ATP10D: variants seen among roughly 807,000 people sequenced by gnomAD.
ATP10D encodes ATPase phospholipid transporting 10D (putative), also known as phospholipid-transporting ATPase VD.
A neutral mutation model predicts 144.8 loss-of-function variants in ATP10D; 89 were observed. The ratio of observed to expected loss-of-function variants is 0.61; its 90% CI spans 0.52 to 0.73. ATP10D has a LOEUF of 0.73. Among genes scored for constraint, ATP10D ranks in the 30% least tolerant of loss-of-function variants. ATP10D has a pLI of 0.00. For synonymous variants in ATP10D, 571 were observed against 615.1 expected, an observed-to-expected ratio of 0.93 and a Z score of 1.06; for missense variants, 1,603 against 1,714.8, an observed-to-expected ratio of 0.93 and a Z score of 1.15.
chr4:47,488,201 T>C (rs1714869872), intron 1 of ATP10D, among the ~76,000 whole-genome samples: 1 of 152,106 alleles, frequency 6.6e-6, no homozygotes, highest in African/African-American at 2.4e-5. Context: ...GTTACAAAAG[T>C]TTTTTAAAAA....
At chr4:47,585,860 G>A (rs11932436) in intron 21 of ATP10D, among the ~76,000 whole-genome samples, 8,409 of 152,158 alleles carry the variant, frequency 0.055, 293 homozygotes, top group Non-Finnish European at 0.085. Context: ...GTACTCCATC[G>A]TGTAGATATA....
chr4:47,499,264 G>T (rs1268720764), intron 1 of ATP10D, among the ~76,000 whole-genome samples: 1 of 152,126 alleles, frequency 6.6e-6, no homozygotes, highest in Non-Finnish European at 1.5e-5. Context: ...TTCCCATCAC[G>T]TTGGTTTCAA....
chr4:47,538,992 C>T (rs13136892), intron 9 of ATP10D, among the ~76,000 whole-genome samples: 1 of 152,154 alleles, frequency 6.6e-6, no homozygotes, highest in East Asian at 1.9e-4. Flanking sequence ...AATCCTTCCA[C>T]TTCTGCCACA....
chr4:47,513,685 G>T (rs188888365), intron 2 of ATP10D, among the ~76,000 whole-genome samples: 13 of 152,330 alleles, frequency 8.5e-5, no homozygotes, highest in African/African-American at 2.9e-4. Context: ...TGTAACATCT[G>T]TGCTGAGGAG....
At chr4:47,569,578 C>T (rs1180966969) in intron 16 of ATP10D, among the ~76,000 whole-genome samples, 1 of 151,952 alleles carries the variant, frequency 6.6e-6, no homozygotes, top group Non-Finnish European at 1.5e-5. Flanking sequence ...AATGGAGATA[C>T]AAGAGTATAT....
intron 15 of ATP10D, among the ~76,000 whole-genome samples, chr4:47,564,049 G>A (rs758709533): frequency 2.0e-5 from 3 of 152,038 alleles, no homozygotes; most frequent in South Asian, 2.1e-4. Context: ...CTGCCACCAC[G>A]CCTGGCTAAT....
At chr4:47,508,926 T>A (rs1409355266) in intron 1 of ATP10D, among the ~76,000 whole-genome samples, 1 of 152,230 alleles carries the variant, frequency 6.6e-6, no homozygotes, top group African/African-American at 2.4e-5. Context: ...TAAGATATTA[T>A]GATTTGTGAT....
chr4:47,573,592 A>C (rs541342127), intron 18 of ATP10D, among the ~76,000 whole-genome samples: 3 of 152,338 alleles, frequency 2.0e-5, no homozygotes, highest in African/African-American at 7.2e-5. Context: ...TTGATTAGAA[A>C]TCCAGGCCTC....
intron 1 of ATP10D, among the ~76,000 whole-genome samples, chr4:47,496,142 T>C (rs1425596129): frequency 6.9e-6 from 1 of 144,532 alleles, no homozygotes; most frequent in Non-Finnish European, 1.5e-5. Context: ...ATTTGTGTAG[T>C]GACTTTCCTT....
chr4:47,506,987 G>T (rs1312362935), intron 1 of ATP10D, among the ~76,000 whole-genome samples: 2 of 152,162 alleles, frequency 1.3e-5, no homozygotes, highest in African/African-American at 4.8e-5. Context: ...GTTGAGAAGA[G>T]AATATTGCTA....
At chr4:47,554,942 G>T (rs189455614) in intron 11 of ATP10D, 28 bp downstream of exon 11, 2 of 1,597,410 alleles carry the variant, frequency 1.3e-6, no homozygotes, top group South Asian at 2.2e-5. Context: ...TGCAAACAAG[G>T]GTCACTTTCC....
In ATP10D at chr4:47,488,178, T is replaced by C. The variant is rs1389782207; in HGVS notation, c.-38+2659T>C. Among the ~76,000 whole-genome samples the C allele has an allele frequency of 2.0e-5, 3 of 152,294 alleles. No individual in the cohort carries two copies. The East Asian group carries it at 5.8e-4, about 29-fold the overall frequency. On this transcript the variant is annotated intron_variant, in intron 1 of 22. Transcript: ENST00000273859. Reference sequence around the variant, plus strand: ...AATTAGTGTAGTTTATGTATCTATATTGATAAAACTCAGTTACAAAAGTTT... The same window carrying C: ...AATTAGTGTAGTTTATGTATCTATACTGATAAAACTCAGTTACAAAAGTTT...
Position 47,563,721 on chromosome 4 carries a change from C to T in ATP10D, c.2809C>T (p.Leu937=), listed in dbSNP as rs28403254. The change falls in exon 15 of 23, where the codon CTG becomes TTG. Residue 937 remains leucine (L), a synonymous_variant. Coordinates refer to ENST00000273859, the MANE Select transcript of ATP10D (RefSeq NM_020453.4). ...AVNIAYACKL[L]EPDDKLFILN... ...CAACATAGCTTATGCATGCAAACTA[C>T]TGGAGCCAGATGACAAGCTTTTTAT... 1.4e-3 allele frequency: 2,335 copies of T among 1,612,448 alleles called. 30 individuals carry two copies. In the African/African-American group the frequency reaches 0.028, roughly 19 times the overall value.
intron 1 of ATP10D, among the ~76,000 whole-genome samples, chr4:47,489,052 G>A (rs1471445607): frequency 1.3e-5 from 2 of 152,144 alleles, no homozygotes; most frequent in Admixed American, 1.3e-4. Context: ...TGTTATAGCA[G>A]CCCAAATGGA....
At position 47,591,134 on chromosome 4, in the gene ATP10D, A is replaced by C; in HGVS notation, c.4034A>C (p.Lys1345Thr). 6.2e-7 allele frequency: 1 copy of C among 1,613,480 alleles called. No homozygotes were observed. The highest frequency in any genetic ancestry group is 8.5e-7 in the Non-Finnish European group (1 of 1,179,592). The change falls in exon 23 of 23, where the codon AAA (lysine) becomes ACA (threonine). Residue 1345 changes from lysine to threonine, a missense_variant. Coordinates refer to ENST00000273859, the MANE Select transcript of ATP10D (RefSeq NM_020453.4). ...FDRLTPEERT[K>T]ALKKWRGAGK... ...AGACTAACTCCAGAGGAGAGGACTA[A>C]AGCTCTCAAGAAGTGGAGAGGGGCT...
At chr4:47,535,327 A>AG (rs1717786235) in intron 5 of ATP10D, among the ~76,000 whole-genome samples, 182 bp from the exon 6 acceptor site, 2 of 151,884 alleles carry the variant, frequency 1.3e-5, no homozygotes, top group Non-Finnish European at 2.9e-5. Flanking sequence ...TAAAAAAAAA[A>AG]AAAGAAACAA....
chr4:47,487,033 C>A (rs1714797630), intron 1 of ATP10D, among the ~76,000 whole-genome samples: 2 of 152,042 alleles, frequency 1.3e-5, no homozygotes, highest in African/African-American at 4.8e-5. Flanking sequence ...GAGTTCGAGA[C>A]CAGCCTGACC....
chr4:47,577,103 T>C, intron 19 of ATP10D, 130 bp downstream of exon 19: 1 of 799,228 alleles, frequency 1.3e-6, no homozygotes, highest in South Asian at 1.8e-5. Context: ...AAAAGATCTC[T>C]ACTTATGTGG....
chr4:47,521,608 T>G (rs1716947017), intron 3 of ATP10D, among the ~76,000 whole-genome samples: 1 of 152,202 alleles, frequency 6.6e-6, no homozygotes, highest in African/African-American at 2.4e-5. Context: ...GGTCACATCC[T>G]TCTTTGTCTG....
Sources: allele counts gnomAD v4.1 joint callset (sites outside exome capture counted in the v4.1 genomes callset), GRCh38; gene constraint gnomAD v4.1.1; transcripts MANE v1.5; gene names NCBI Gene and HGNC (gene_info 2026-07-23, HGNC 2026-07-21).